DMD: variants seen among roughly 807,000 people sequenced by gnomAD.
DMD encodes dystrophin.
DMD carries 63 observed loss-of-function variants against 330.1 expected under a neutral mutation model. That is an observed-to-expected ratio of 0.19 (90% CI 0.16 to 0.24). DMD has a LOEUF of 0.24. Among genes scored for constraint, DMD ranks in the 10% least tolerant of loss-of-function variants. DMD has a pLI of 1.00. For missense variants in DMD, 3,344 were observed against 2,684.1 expected (o/e 1.25, Z -5.43); for synonymous variants, 1,223 against 959.8 (o/e 1.27, Z -5.07).
At chrX:33,322,558 T>C (rs1206642829) in intron 1 of DMD, among the ~76,000 whole-genome samples, 1 of 111,781 alleles carries the variant, frequency 8.9e-6, no homozygotes, top group Non-Finnish European at 1.9e-5. Context: ...GTGGCTTTTG[T>C]ACTCTAACCA....
At chrX:31,185,361 C>A (rs73462347) in intron 67 of DMD, among the ~76,000 whole-genome samples, 10,147 of 111,111 alleles carry the variant, frequency 0.091, 395 homozygotes, top group African/African-American at 0.13. Context: ...TTTCTCTGAA[C>A]AGGACTTCCC....
intron 11 of DMD, among the ~76,000 whole-genome samples, chrX:32,616,849 T>C (rs1029318715): frequency 9.2e-6 from 1 of 108,416 alleles, no homozygotes; most frequent in East Asian, 2.9e-4. Context: ...CCATAAATAC[T>C]TCTATATATA....
chrX:31,712,147 G>T (rs987367454), intron 52 of DMD, among the ~76,000 whole-genome samples: 4 of 111,701 alleles, frequency 3.6e-5, no homozygotes, highest in Non-Finnish European at 7.5e-5. Context: ...GGATATTAAA[G>T]AAATGTAAAT....
Position 32,463,443 on chromosome X carries a change from T to C in DMD, c.3428A>G (p.Gln1143Arg), listed in dbSNP as rs769607822. ...ELNTQWDHMCQQVYARKEALK... is the reference protein window; with the variant it reads ...ELNTQWDHMCRQVYARKEALK... ...AGTGAAAGAGATTGTCTATACCTGTTGGCACATGTGATCCCACTGAGTGTT... is the reference window on the plus strand; with the variant it reads ...AGTGAAAGAGATTGTCTATACCTGTCGGCACATGTGATCCCACTGAGTGTT... The change falls in exon 25 of 79, where the codon CAA becomes CGA. Residue 1143 changes from glutamine (Q) to arginine (R), a missense_variant. Coordinates refer to ENST00000357033, the MANE Select transcript of DMD (RefSeq NM_004006.3). 1.2e-5 allele frequency: 14 copies of C among 1,206,994 alleles called. No individual in the cohort carries two copies. In the East Asian group the frequency reaches 3.9e-4, roughly 33 times the overall value.
rs114973976 is a variant in DMD, at chrX:32,593,837, A to G, written c.1602+1920T>C. 4.3e-3 allele frequency among the ~76,000 whole-genome samples: 486 copies of G among 112,611 alleles called. 3 individuals are homozygous for G. Among genetic ancestry groups the G allele is most frequent in the African/African-American group, 0.015 (458 of 31,014 alleles). On this transcript the variant is annotated intron_variant, in intron 13 of 78. Transcript: ENST00000357033. ...TCAATCAAATAAGTTAACTGGCATC[A>G]CTGCCTATGAAACAGACTCTCTACG...
At chrX:33,165,735 C>T (rs965061097) in intron 1 of DMD, among the ~76,000 whole-genome samples, 1 of 110,828 alleles carries the variant, frequency 9.0e-6, no homozygotes, top group African/African-American at 3.3e-5. Context: ...AAAGAAGTAC[C>T]GGAACCAAAT....
chrX:31,136,459 ATCTC>A (rs2035246791), intron 76 of DMD, among the ~76,000 whole-genome samples: 1 of 112,290 alleles, frequency 8.9e-6, no homozygotes. Flanking sequence ...GGCTGATTAC[ATCTC>A]TCTGTTTCAT....
chrX:32,031,263 T>C (rs1038307046), intron 44 of DMD, among the ~76,000 whole-genome samples: 12 of 111,373 alleles, frequency 1.1e-4, no homozygotes, highest in Admixed American at 6.7e-4. Context: ...ATCACATATG[T>C]ATATTACTTA....
intron 41 of DMD, among the ~76,000 whole-genome samples, chrX:32,329,072 C>T (rs747423631): frequency 1.8e-5 from 2 of 111,741 alleles, no homozygotes; most frequent in East Asian, 5.7e-4. Flanking sequence ...TAAATACCTG[C>T]TCTGTGATAG....
At chrX:33,289,536 C>A (rs1451853821) in intron 1 of DMD, among the ~76,000 whole-genome samples, 1 of 111,372 alleles carries the variant, frequency 9.0e-6, no homozygotes, top group Non-Finnish European at 1.9e-5. Context: ...TAAGAAAATT[C>A]TTTTAGGTGG....
chrX:31,932,153 G>C lies in DMD; in HGVS notation c.6689C>G (p.Ala2230Gly), dbSNP rs757026131. 2 of 1,199,356 alleles carry C rather than the reference G, an allele frequency of 1.7e-6. No homozygotes were observed. Among genetic ancestry groups the C allele is most frequent in the South Asian group, 1.8e-5 (1 of 56,685 alleles). Residue 2230 changes from alanine to glycine, a missense_variant, in exon 46 of 79, where the codon GCA becomes GGA. Physicochemically the swap from Ala to Gly is moderately conservative, Grantham distance 60. Coordinates refer to ENST00000357033, the MANE Select transcript of DMD (RefSeq NM_004006.3). The part of the protein sequence containing the change: ...LNEFVLWLEE[A>G]DNIASIPLEP... Reference sequence around the variant, plus strand: ...AAGTGGGATACTAGCAATGTTATCTGCTTCCTCCAACCATAAAACAAATTC... The same window carrying C: ...AAGTGGGATACTAGCAATGTTATCTCCTTCCTCCAACCATAAAACAAATTC...
intron 11 of DMD, among the ~76,000 whole-genome samples, chrX:32,616,592 T>A (rs1327046789): frequency 9.1e-6 from 1 of 109,702 alleles, no homozygotes. Context: ...GAGTTTAGCA[T>A]GTTCTTACTA....
At chrX:33,176,937 C>CA (rs1443243320) in intron 1 of DMD, among the ~76,000 whole-genome samples, 1 of 111,116 alleles carries the variant, frequency 9.0e-6, no homozygotes, top group African/African-American at 3.3e-5. Context: ...AACTGTGTCT[C>CA]AAAAAATAAA....
At chrX:31,305,769 A>G (rs1198967689) in intron 62 of DMD, among the ~76,000 whole-genome samples, 1 of 112,667 alleles carries the variant, frequency 8.9e-6, no homozygotes, top group East Asian at 2.8e-4. Context: ...AGGCTTTGAT[A>G]AAGGTCAAGG....
At chrX:31,152,151 C>T (rs1175947154) in intron 74 of DMD, among the ~76,000 whole-genome samples, 6 of 109,429 alleles carry the variant, frequency 5.5e-5, no homozygotes, top group Non-Finnish European at 1.1e-4. Flanking sequence ...GTTATTTTAG[C>T]GAGTGGTACC....
chrX:32,953,132 C>CAA (rs956888529), intron 2 of DMD, among the ~76,000 whole-genome samples: 7 of 48,333 alleles, frequency 1.4e-4, no homozygotes, highest in East Asian at 6.1e-4. Flanking sequence ...AAGACTCCAC[C>CAA]AAAAAAAAAA....
At chrX:32,649,521 A>C (rs1175195236) in intron 9 of DMD, among the ~76,000 whole-genome samples, 1 of 97,729 alleles carries the variant, frequency 1.0e-5, no homozygotes, top group East Asian at 3.2e-4. Flanking sequence ...GCGCCACTGC[A>C]CTCCGGCCTG....
intron 60 of DMD, among the ~76,000 whole-genome samples, chrX:31,364,982 C>G (rs2059153043): frequency 9.3e-6 from 1 of 107,923 alleles, no homozygotes; most frequent in Non-Finnish European, 1.9e-5. Flanking sequence ...GTAATCCCAG[C>G]TACTCAGGAG....
Position 31,474,706 on chromosome X carries a change from C to CAAAAA in DMD, c.8937+3395_8937+3399dup, listed in dbSNP as rs779735826. Among the ~76,000 whole-genome samples the CAAAAA allele has an allele frequency of 1.7e-3, 111 of 63,986 alleles. 2 individuals carry two copies. Among genetic ancestry groups the CAAAAA allele is most frequent in the African/African-American group, 5.9e-3 (89 of 15,118 alleles). 55.6% of individuals were successfully genotyped at this position (63,986 alleles called of 115,157 possible). A position where few individuals can be genotyped will look rare whatever the true frequency, so the allele number is the denominator to read the frequency against. On this transcript the variant is annotated intron_variant, in intron 59 of 78. Transcript: ENST00000357033. ...CCTGGGTGACAGAGCGAGACTGTCG[C>CAAAAA]AAAAAAAAAATAAAATAAAATAAAA... is the stretch of plus-strand genomic sequence containing the variant.
Sources: gnomAD v4.1 joint callset for allele counts (sites outside exome capture counted in the v4.1 genomes callset) on GRCh38, gnomAD v4.1.1 for gene constraint, MANE v1.5 for transcripts, NCBI Gene and HGNC (gene_info 2026-07-23, HGNC 2026-07-21) for gene names.